The following TEX101 variants were observed in gnomAD, a reference collection of about 807,000 sequenced individuals.
The protein encoded by TEX101 is testis expressed 101, also known as testis-expressed protein 101.
In TEX101, 10 loss-of-function variants were observed where a neutral mutation model predicts 18.1. That is an observed-to-expected ratio of 0.55 (90% CI 0.34 to 0.94). The LOEUF (loss-of-function observed/expected upper bound fraction) is 0.94, where lower values mean the gene tolerates loss of function less well. TEX101 is among the 40% of genes least tolerant of loss of function. The pLI is 0.02. For synonymous variants in TEX101, 94 were observed against 114.8 expected (o/e 0.82, Z 1.16); for missense variants, 259 against 298.9 (o/e 0.87, Z 0.98).
At chr19:43,399,021 A>G (rs1033236276), upstream of TEX101, among the ~76,000 whole-genome samples, 2 of 152,102 alleles carry the variant, frequency 1.3e-5, no homozygotes, top group African/African-American at 4.8e-5. Flanking sequence ...ATTTTACTCT[A>G]TTTGCTGAAA....
In TEX101 at chr19:43,418,528, C is replaced by T. The variant is rs960184706; in HGVS notation, c.*131C>T. On this transcript the variant is annotated 3_prime_UTR_variant, in exon 6 of 6. Coordinates refer to ENST00000598265, the MANE Select transcript of TEX101 (RefSeq NM_001130011.3). ...ACAGAGATACTATGAACGTATTTGA[C>T]ATTTTTAATACAATTTCTGCTATAA... The T allele has an allele frequency of 1.4e-6, 1 of 714,622 alleles. No homozygotes were observed. The highest frequency in any genetic ancestry group is 2.7e-5 in the East Asian group (1 of 37,534). 44.3% of individuals were successfully genotyped at this position (714,622 alleles called of 1,614,324 possible).
At chr19:43,391,351 A>G in the TEX101 span, among the ~76,000 whole-genome samples, 1 of 151,176 alleles carries the variant, frequency 6.6e-6, no homozygotes, top group Non-Finnish European at 1.5e-5. Flanking sequence ...ATACCCACAA[A>G]TGCTACACAA....
intron 1 of TEX101, among the ~76,000 whole-genome samples, chr19:43,415,535 G>A (rs1970464720): frequency 6.6e-6 from 1 of 152,146 alleles, no homozygotes; most frequent in South Asian, 2.1e-4. Context: ...GACGAGGCGG[G>A]CAGATCACCT....
chr19:43,414,755 C>T (rs949670535), upstream of TEX101: 1 of 827,376 alleles, frequency 1.2e-6, no homozygotes, highest in Non-Finnish European at 1.5e-6. Flanking sequence ...TCCGAGATTG[C>T]CAGGAATTGA....
At position 43,418,368 on chromosome 19, in the gene TEX101, C is replaced by G; in HGVS notation, c.721C>G (p.Leu241Val). The change falls in exon 6 of 6, where the codon CTG becomes GTG. Residue 241 changes from leucine (L) to valine (V), a missense_variant. Leu to Val is a conservative substitution (Grantham distance 32, BLOSUM62 1). Transcript: ENST00000598265. ...GGGGTTACAGCTACTGCTGCCATTG[C>G]TGCTGCCATCATTTATTCACTTTTC... ...VWGLQLLLPL[L>V]LPSFIHFS is the part of the protein sequence containing the mutation. 1.2e-6 allele frequency: 2 copies of G among 1,613,812 alleles called. No individual in the cohort carries two copies. The highest frequency in any genetic ancestry group is 1.7e-5 in the Admixed American group (1 of 60,006).
intron 2 of TEX101, among the ~76,000 whole-genome samples, chr19:43,403,971 G>A (rs1413614100): frequency 6.6e-6 from 1 of 151,670 alleles, no homozygotes; most frequent in Non-Finnish European, 1.5e-5. Flanking sequence ...GCCAGGAGGT[G>A]GAGCGTGCAG....
At chr19:43,393,638 A>G in the TEX101 span, among the ~76,000 whole-genome samples, 1 of 152,136 alleles carries the variant, frequency 6.6e-6, no homozygotes, top group African/African-American at 2.4e-5. Flanking sequence ...ATGAATCCCC[A>G]TTCATTACAG....
Position 43,416,136 on chromosome 19 carries a change from G to T in TEX101, c.102G>T (p.Met34Ile), listed in dbSNP as rs1970473908. ...TGTATTGTCAAAAGGGTCTGTCCAT[G>T]ACTGTGGAAGCAGATCCAGCCAATA... ...LELYCQKGLS[M>I]TVEADPANMF... The change falls in exon 3 of 6, where the codon ATG (methionine) becomes ATT (isoleucine). Residue 34 changes from methionine (M) to isoleucine (I), a missense_variant. Met to Ile is a conservative substitution (Grantham distance 10). Transcript: ENST00000598265. 6.2e-7 allele frequency: 1 copy of T among 1,613,772 alleles called. No individual in the cohort carries two copies. The highest frequency in any genetic ancestry group is 1.3e-5 in the African/African-American group (1 of 74,922).
the TEX101 span, among the ~76,000 whole-genome samples, chr19:43,390,779 T>C: frequency 7.1e-6 from 1 of 141,592 alleles, no homozygotes; most frequent in Admixed American, 7.1e-5. Context: ...TTAACCACTT[T>C]TAAGTGTACA....
upstream of TEX101, among the ~76,000 whole-genome samples, chr19:43,412,774 C>A (rs982921686): frequency 4.6e-5 from 7 of 152,102 alleles, no homozygotes; most frequent in African/African-American, 1.7e-4. Flanking sequence ...GTGGCATTTT[C>A]TCTATTAAAA....
chr19:43,403,567 A>AT (rs1970336074), intron 2 of TEX101, among the ~76,000 whole-genome samples: 1 of 152,182 alleles, frequency 6.6e-6, no homozygotes, highest in Non-Finnish European at 1.5e-5. Context: ...CATGTACCCT[A>AT]GAACTTAAAG....
chr19:43,416,146 GC>G lies in TEX101; in HGVS notation c.113del (p.Ala38GlufsTer28). ...AAAGGGTCTGTCCATGACTGTGGAA[GC>G]AGATCCAGCCAATATGTTTAACTGG... ...CQKGLSMTVE[A>X]DPANMFNWTT... is the part of the protein sequence containing the mutation. On this transcript the variant is annotated frameshift_variant, in exon 3 of 6. Transcript: ENST00000598265. LOFTEE classifies it high-confidence loss of function. 6.2e-7 allele frequency: 1 copy of G among 1,613,946 alleles called. No individual in the cohort carries two copies. The highest frequency in any genetic ancestry group is 2.2e-5 in the East Asian group (1 of 44,888).
At chr19:43,393,106 A>AGG in the TEX101 span, among the ~76,000 whole-genome samples, 14,418 of 148,038 alleles carry the variant, frequency 0.097, 858 homozygotes, top group Middle Eastern at 0.17. Context: ...GAAGGAAGGA[A>AGG]AGAAAGAAGG....
chr19:43,408,147 CCGCAA>C (rs1970386228), intron 3 of TEX101, among the ~76,000 whole-genome samples: 1 of 152,228 alleles, frequency 6.6e-6, no homozygotes, highest in Non-Finnish European at 1.5e-5. Context: ...CTGCCCGAGC[CCGCAA>C]TGCCCTCAGG....
chr19:43,392,126 G>A, the TEX101 span, among the ~76,000 whole-genome samples: 1 of 152,076 alleles, frequency 6.6e-6, no homozygotes, highest in Non-Finnish European at 1.5e-5. Context: ...CCCAGAGAGA[G>A]ACAGAGTCAG....
upstream of TEX101, among the ~76,000 whole-genome samples, chr19:43,396,826 ATTTTTTT>A (rs1202828153): frequency 3.6e-5 from 3 of 82,874 alleles, no homozygotes; most frequent in African/African-American, 5.1e-5. Context: ...TGTTTTCAGC[ATTTTTTT>A]TTTTTTTTTT....
chr19:43,410,223 G>A (rs538080218), upstream of TEX101, among the ~76,000 whole-genome samples: 2 of 152,276 alleles, frequency 1.3e-5, no homozygotes, highest in Non-Finnish European at 2.9e-5. Context: ...GGAGCTGCAC[G>A]ATGCTTATGC....
At chr19:43,406,931 G>GTT (rs1002990799) in intron 3 of TEX101, among the ~76,000 whole-genome samples, 6,597 of 115,870 alleles carry the variant, frequency 0.057, 200 homozygotes, top group Middle Eastern at 0.13. Flanking sequence ...TTTGTTTTTT[G>GTT]TTTTTTTTTT....
At chr19:43,402,610 T>C (rs2122318518) in intron 1 of TEX101, among the ~76,000 whole-genome samples, 1 of 151,740 alleles carries the variant, frequency 6.6e-6, no homozygotes, top group African/African-American at 2.4e-5. Flanking sequence ...AGATGGAGTC[T>C]CACTCTGTCG....
Sources: gnomAD v4.1 joint callset for allele counts (sites outside exome capture counted in the v4.1 genomes callset) on GRCh38, gnomAD v4.1.1 for gene constraint, MANE v1.5 for transcripts, NCBI Gene and HGNC (gene_info 2026-07-23, HGNC 2026-07-21) for gene names.